The following CFAP54 variants were observed in gnomAD, a reference collection of about 807,000 sequenced individuals.
CFAP54 encodes the protein cilia and flagella associated protein 54, also known as cilia- and flagella-associated protein 54.
In CFAP54, 290 loss-of-function variants were observed where a neutral mutation model predicts 370.4. The ratio of observed to expected loss-of-function variants is 0.78; its 90% CI spans 0.71 to 0.86. The LOEUF is 0.86. Ranked by LOEUF, CFAP54 falls within the 40% of genes least tolerant of loss-of-function variation. CFAP54 has a pLI of 0.00. For missense variants in CFAP54, 3,399 were observed against 3,528.7 expected (o/e 0.96, Z 0.93); for synonymous variants, 1,206 against 1,236.5 (o/e 0.98, Z 0.52).
chr12:96,628,779 A>G (rs1956572290), intron 30 of CFAP54, among the ~76,000 whole-genome samples: 2 of 152,174 alleles, frequency 1.3e-5, no homozygotes, highest in South Asian at 2.1e-4. Context: ...TCAAGTTCCA[A>G]CCCCTGGAAC....
chr12:96,787,673 T>A (rs752763757), intron 62 of CFAP54, among the ~76,000 whole-genome samples: 66 of 152,132 alleles, frequency 4.3e-4, no homozygotes, highest in Admixed American at 9.2e-4. Context: ...ACACTGTTAG[T>A]TGGTGGAGAA....
chr12:96,609,502 A>G (rs898939361), intron 26 of CFAP54, among the ~76,000 whole-genome samples: 1 of 152,204 alleles, frequency 6.6e-6, no homozygotes, highest in Non-Finnish European at 1.5e-5. Flanking sequence ...AATTTTCTGG[A>G]GCCATTTCTT....
At chr12:96,735,494 A>G (rs1217615485) in intron 50 of CFAP54, among the ~76,000 whole-genome samples, 1 of 152,240 alleles carries the variant, frequency 6.6e-6, no homozygotes, top group Non-Finnish European at 1.5e-5. Context: ...GTTAAGACTG[A>G]GAAATGAGGC....
intron 60 of CFAP54, among the ~76,000 whole-genome samples, chr12:96,773,198 A>G (rs1471167192): frequency 1.3e-5 from 2 of 152,138 alleles, no homozygotes; most frequent in Non-Finnish European, 2.9e-5. Flanking sequence ...ACTAAGCCAC[A>G]TGTAACTGGA....
chr12:96,528,176 A>G (rs1393677277), intron 9 of CFAP54, among the ~76,000 whole-genome samples: 7 of 152,164 alleles, frequency 4.6e-5, no homozygotes, highest in South Asian at 4.1e-4. Context: ...AATAATTTTT[A>G]TAGATACCCT....
Position 96,594,300 on chromosome 12 carries a change from C to A in CFAP54, c.3370C>A (p.Leu1124Met). 1 of 1,527,016 alleles carries A rather than the reference C, an allele frequency of 6.5e-7. No homozygotes were observed. Among genetic ancestry groups the A allele is most frequent in the South Asian group, 1.2e-5 (1 of 82,602 alleles). 94.6% of individuals were successfully genotyped at this position (1,527,016 alleles called of 1,614,324 possible). ...GCCTGTTTCTTTACAGATTGCCAGACTGATTGAATGTGAGAGAGTATTAGT... is the reference window on the plus strand; with the variant it reads ...GCCTGTTTCTTTACAGATTGCCAGAATGATTGAATGTGAGAGAGTATTAGT... ...EIFPSQQIARLIECERVLVAL... is the reference protein window; with the variant it reads ...EIFPSQQIARMIECERVLVAL... Residue 1124 changes from leucine (L) to methionine (M), a missense_variant, in exon 25 of 68, where the codon CTG becomes ATG. By Grantham distance (15) the Leu-to-Met change is conservative (BLOSUM62 2). This residue lies in a region of CFAP54 where 2,796 missense variants were observed against 2,869.7 expected (regional missense o/e 0.97). Transcript: ENST00000524981.
chr12:96,830,681 GT>G (rs1959167958), intron 66 of CFAP54, among the ~76,000 whole-genome samples: 1 of 151,962 alleles, frequency 6.6e-6, no homozygotes, highest in Non-Finnish European at 1.5e-5. Context: ...TTCTGGGTTT[GT>G]TTTTTGTTTT....
chr12:96,489,955 C>T (rs1414220764), intron 1 of CFAP54, 29 bp downstream of exon 1: 2 of 1,511,666 alleles, frequency 1.3e-6, no homozygotes, highest in South Asian at 1.2e-5. Flanking sequence ...CTGGGGAGGG[C>T]GCCGGCCAGA....
chr12:96,697,182 C>T (rs1375389178), intron 45 of CFAP54, among the ~76,000 whole-genome samples: 1 of 152,112 alleles, frequency 6.6e-6, no homozygotes, highest in Non-Finnish European at 1.5e-5. Context: ...GTGTTGGTCA[C>T]CTCTGAAAAT....
At position 96,641,258 on chromosome 12, in the gene CFAP54, G is replaced by A. The variant is rs573408716; in HGVS notation, c.4317-2920G>A. ...AAAAAACAAACAACACCATCAACAA[G>A]TGGGCAAAGGATATGAACAGACACT... is the stretch of plus-strand genomic sequence containing the variant. On this transcript the variant is annotated intron_variant, in intron 32 of 67. Coordinates refer to ENST00000524981, the MANE Select transcript of CFAP54 (RefSeq NM_001306084.2). 7.7e-3 allele frequency among the ~76,000 whole-genome samples: 1,174 copies of A among 152,242 alleles called. 12 individuals carry two copies. Among genetic ancestry groups the A allele is most frequent in the Middle Eastern group, 0.02 (6 of 294 alleles).
intron 22 of CFAP54, among the ~76,000 whole-genome samples, chr12:96,583,590 G>A (rs1956050365): frequency 6.6e-6 from 1 of 152,182 alleles, no homozygotes; most frequent in South Asian, 2.1e-4. Context: ...CCATGAGGTA[G>A]TATGATTACT....
chr12:96,758,633 G>T (rs539793382), intron 58 of CFAP54, among the ~76,000 whole-genome samples: 18 of 152,298 alleles, frequency 1.2e-4, no homozygotes, highest in Admixed American at 3.3e-4. Context: ...GGAATAACTT[G>T]TATTGGTGGA....
chr12:96,841,895 A>G (rs545791473), intron 66 of CFAP54, among the ~76,000 whole-genome samples: 68 of 152,248 alleles, frequency 4.5e-4, no homozygotes, highest in Non-Finnish European at 7.9e-4. Context: ...TTCCTTATCT[A>G]TAAATTGGTG....
At chr12:96,785,128 A>G (rs1036217320) in intron 61 of CFAP54, among the ~76,000 whole-genome samples, 6 of 152,200 alleles carry the variant, frequency 3.9e-5, no homozygotes, top group African/African-American at 1.4e-4. Flanking sequence ...TAAAAACATC[A>G]TGATAAGGAG....
At chr12:96,495,279 TC>T (rs2136342905) in intron 1 of CFAP54, among the ~76,000 whole-genome samples, 2 of 147,634 alleles carry the variant, frequency 1.4e-5, no homozygotes, top group East Asian at 2.0e-4. Context: ...CTTCCTTCCT[TC>T]CTTCCTTCCT....
At chr12:96,662,036 A>G (rs1957000568) in intron 38 of CFAP54, among the ~76,000 whole-genome samples, 1 of 152,012 alleles carries the variant, frequency 6.6e-6, no homozygotes, top group Non-Finnish European at 1.5e-5. Context: ...TACCCTCAAA[A>G]TACAATCCAA....
At chr12:96,494,475 G>C (rs371759626) in intron 1 of CFAP54, among the ~76,000 whole-genome samples, 1 of 150,210 alleles carries the variant, frequency 6.7e-6, no homozygotes, top group Admixed American at 6.6e-5. Context: ...TAATTTTTGT[G>C]TCTTTAGTAG....
chr12:96,568,507 A>G (rs1229897306), intron 19 of CFAP54, among the ~76,000 whole-genome samples: 2 of 152,002 alleles, frequency 1.3e-5, no homozygotes, highest in African/African-American at 4.8e-5. Flanking sequence ...TCCTCAGGGT[A>G]CTCTCCTAAA....
intron 1 of CFAP54, 88 bp downstream of exon 1, chr12:96,490,014 A>G (rs1592809062): frequency 7.7e-7 from 1 of 1,296,072 alleles, no homozygotes; most frequent in Non-Finnish European, 1.0e-6. Context: ...GGCCCCAGAG[A>G]TGGTTCAGCG....
Sources: allele counts gnomAD v4.1 joint callset (sites outside exome capture counted in the v4.1 genomes callset), GRCh38; gene constraint gnomAD v4.1.1; regional missense constraint gnomAD v4.1.1; transcripts MANE v1.5; gene names NCBI Gene and HGNC (gene_info 2026-07-23, HGNC 2026-07-21).